Variants in SMAD6 observed in about 807,000 individuals in gnomAD.
SMAD6 encodes the protein SMAD family member 6.
SMAD6 carries 103 observed loss-of-function variants against 39.4 expected under a neutral mutation model. The observed-to-expected ratio is 2.62, with a 90% confidence interval of 2.23 to 3.08. SMAD6 has a LOEUF of 3.08. SMAD6 is among the 30% of genes most tolerant of loss of function. SMAD6 has a pLI of 0.00. For missense variants in SMAD6, 1,104 were observed against 742.9 expected, an observed-to-expected ratio of 1.49 and a Z score of -5.65; for synonymous variants, 445 against 353.3, an observed-to-expected ratio of 1.26 and a Z score of -2.91.
chr15:66,737,735 G>C (rs755348305), intron 3 of SMAD6, among the ~76,000 whole-genome samples: 7 of 152,122 alleles, frequency 4.6e-5, no homozygotes, highest in Non-Finnish European at 1.0e-4. Flanking sequence ...AGTGAGCCAG[G>C]AAGTCATGCA....
chr15:66,761,169 C>A (rs1246719519), intron 3 of SMAD6, among the ~76,000 whole-genome samples: 1 of 152,200 alleles, frequency 6.6e-6, no homozygotes, highest in East Asian at 1.9e-4. Context: ...AAACCCCTCT[C>A]TGGACTCTTA....
chr15:66,703,342 C>G lies in SMAD6; in HGVS notation c.84C>G (p.Gly28=), dbSNP rs891756627. ...CCGACCGGGAGGAAGGCGGCAGCGG[C>G]GGCGGCGGTGGCGGCGACGAGGATG... The part of the protein sequence containing the change: ...VVPDREEGGS[G]GGGGGDEDGS... Residue 28 remains glycine, a synonymous_variant, in exon 1 of 4, where the codon GGC becomes GGG. Coordinates refer to ENST00000288840, the MANE Select transcript of SMAD6 (RefSeq NM_005585.5). 2.0e-6 allele frequency: 3 copies of G among 1,483,448 alleles called. No individual in the cohort carries two copies. The highest frequency in any genetic ancestry group is 1.8e-6 in the Non-Finnish European group (2 of 1,116,670). 91.9% of individuals were successfully genotyped at this position (1,483,448 alleles called of 1,614,324 possible).
At chr15:66,704,325 G>C (rs1323123767) in intron 1 of SMAD6, 1 of 358,122 alleles carries the variant, frequency 2.8e-6, no homozygotes, top group Admixed American at 4.7e-5. Flanking sequence ...AGTTTTCTCT[G>C]TGCAGTTTCA....
At chr15:66,774,412 G>A (rs1408883849) in intron 3 of SMAD6, among the ~76,000 whole-genome samples, 4 of 152,216 alleles carry the variant, frequency 2.6e-5, no homozygotes, top group Non-Finnish European at 5.9e-5. Flanking sequence ...TGGGCAGAGA[G>A]GCGTAGAGAA....
intron 3 of SMAD6, among the ~76,000 whole-genome samples, chr15:66,749,064 C>T (rs1407993045): frequency 6.6e-6 from 1 of 152,168 alleles, no homozygotes; most frequent in Non-Finnish European, 1.5e-5. Context: ...TGGTTCATGC[C>T]TGTAATCTCA....
chr15:66,739,645 T>C (rs1288246561), intron 3 of SMAD6, among the ~76,000 whole-genome samples: 3 of 152,154 alleles, frequency 2.0e-5, no homozygotes, highest in Admixed American at 6.5e-5. Context: ...AACTTGTACC[T>C]ATTTGCTCTT....
At chr15:66,706,718 T>A (rs1893120162) in intron 1 of SMAD6, 1 of 152,502 alleles carries the variant, frequency 6.6e-6, no homozygotes, top group Non-Finnish European at 1.5e-5. Context: ...ACACCGGCAC[T>A]GAGGGACTCC....
At chr15:66,719,042 C>T (rs1893384384) in intron 3 of SMAD6, among the ~76,000 whole-genome samples, 1 of 152,226 alleles carries the variant, frequency 6.6e-6, no homozygotes, top group African/African-American at 2.4e-5. Context: ...ATGTCAGGCA[C>T]TTTGCTAAGC....
intron 3 of SMAD6, among the ~76,000 whole-genome samples, chr15:66,756,020 T>C (rs2414912): frequency 0.77 from 116,605 of 151,272 alleles, 45,070 homozygotes; most frequent in Admixed American, 0.85. Flanking sequence ...ATGCTTCAAG[T>C]CATTTTGGTT....
At chr15:66,721,457 G>T (rs2439398) in intron 3 of SMAD6, among the ~76,000 whole-genome samples, 30,767 of 152,096 alleles carry the variant, frequency 0.2, 3,399 homozygotes, top group African/African-American at 0.3. Context: ...GTGTGGTTCA[G>T]TCCATTCAGT....
intron 3 of SMAD6, among the ~76,000 whole-genome samples, chr15:66,773,261 TG>T (rs1894409357): frequency 6.6e-6 from 1 of 152,180 alleles, no homozygotes; most frequent in Non-Finnish European, 1.5e-5. Context: ...TCCTGTCAGC[TG>T]GGCCCAGCGT....
intron 2 of SMAD6, among the ~76,000 whole-genome samples, chr15:66,713,530 G>A (rs1893271264): frequency 1.3e-5 from 2 of 152,212 alleles, no homozygotes; most frequent in Admixed American, 6.5e-5. Flanking sequence ...ATATTGGCCA[G>A]GCTGGTCTCG....
chr15:66,749,825 TGGCACC>T (rs921972313), intron 3 of SMAD6, among the ~76,000 whole-genome samples: 1 of 152,158 alleles, frequency 6.6e-6, no homozygotes, highest in Non-Finnish European at 1.5e-5. Context: ...TGACCCCAGG[TGGCACC>T]CCCTTTTGTG....
Position 66,781,471 on chromosome 15 carries a change from A to C in SMAD6, c.1427A>C (p.Tyr476Ser). 6.2e-7 allele frequency: 1 copy of C among 1,600,458 alleles called. No individual in the cohort carries two copies. Among genetic ancestry groups the C allele is most frequent in the Non-Finnish European group, 8.5e-7 (1 of 1,175,888 alleles). Residue 476 changes from tyrosine to serine, a missense_variant, in exon 4 of 4, where the codon TAC (tyrosine) becomes TCC (serine). By Grantham distance (144) the Tyr-to-Ser change is moderately radical (BLOSUM62 -2). Coordinates refer to ENST00000288840, the MANE Select transcript of SMAD6 (RefSeq NM_005585.5). ...TTCGCCAAGGGCTGGGGGCCCTGCTACTCCCGGCAGTTCATCACCTCCTGC... is the reference window on the plus strand; with the variant it reads ...TTCGCCAAGGGCTGGGGGCCCTGCTCCTCCCGGCAGTTCATCACCTCCTGC... ...ISFAKGWGPCYSRQFITSCPC... is the reference protein window; with the variant it reads ...ISFAKGWGPCSSRQFITSCPC...
chr15:66,718,987 T>C (rs1176587233), intron 3 of SMAD6, among the ~76,000 whole-genome samples: 1 of 152,116 alleles, frequency 6.6e-6, no homozygotes, highest in Non-Finnish European at 1.5e-5. Flanking sequence ...ATAATGATGA[T>C]GGTGCTGATG....
Position 66,781,253 on chromosome 15 carries a change from CA to C in SMAD6, c.1211del (p.Asn404ThrfsTer135). On this transcript the variant is annotated frameshift_variant, in exon 4 of 4. Coordinates refer to ENST00000288840, the MANE Select transcript of SMAD6 (RefSeq NM_005585.5). LOFTEE classifies it high-confidence loss of function. ...AGGAGCCCGACGGCGTGTGGGCCTA[CA>C]ACCGCGGCGAGCACCCCATCTTCGT... ...SKEPDGVWAY[N>X]RGEHPIFVNS... 1 of 1,608,360 alleles carries C rather than the reference CA, an allele frequency of 6.2e-7. No homozygotes were observed. The highest frequency in any genetic ancestry group is 8.5e-7 in the Non-Finnish European group (1 of 1,179,342).
chr15:66,732,939 A>G (rs113356523), intron 3 of SMAD6, among the ~76,000 whole-genome samples: 111 of 151,880 alleles, frequency 7.3e-4, no homozygotes, highest in Non-Finnish European at 1.1e-3. Flanking sequence ...TAGAAGTTTT[A>G]TAGTTTTAGG....
intron 3 of SMAD6, among the ~76,000 whole-genome samples, chr15:66,773,021 C>T (rs1186324604): frequency 1.3e-5 from 2 of 152,206 alleles, no homozygotes; most frequent in African/African-American, 4.8e-5. Flanking sequence ...CACCCCCAGC[C>T]GACTAGCTGA....
intron 3 of SMAD6, among the ~76,000 whole-genome samples, chr15:66,763,240 G>A (rs1448317992): frequency 1.3e-5 from 2 of 152,200 alleles, no homozygotes; most frequent in African/African-American, 4.8e-5. Context: ...GCCACTTGGA[G>A]GTGCTCTGCA....
Sources: allele counts gnomAD v4.1 joint callset (sites outside exome capture counted in the v4.1 genomes callset), GRCh38; gene constraint gnomAD v4.1.1; transcripts MANE v1.5; gene names NCBI Gene and HGNC (gene_info 2026-07-23, HGNC 2026-07-21).